RPS6KC1: variants seen among roughly 807,000 people sequenced by gnomAD.
The protein encoded by RPS6KC1 is ribosomal protein S6 kinase C1.
A neutral mutation model predicts 103.8 loss-of-function variants in RPS6KC1; 54 were observed. The ratio of observed to expected loss-of-function variants is 0.52; its 90% CI spans 0.42 to 0.65. The LOEUF (loss-of-function observed/expected upper bound fraction) is 0.65. RPS6KC1 is among the 30% of genes least tolerant of loss of function. The probability of loss-of-function intolerance (pLI) is 0.00; values close to 1 mark genes in which losing one functional copy is unlikely to be tolerated. For missense variants in RPS6KC1, 1,151 were observed against 1,253.8 expected, an observed-to-expected ratio of 0.92 and a Z score of 1.24; for synonymous variants, 439 against 438.7, an observed-to-expected ratio of 1.00 and a Z score of -0.01.
At chr1:213,170,546 G>T (rs998806453) in intron 7 of RPS6KC1, among the ~76,000 whole-genome samples, 1 of 152,186 alleles carries the variant, frequency 6.6e-6, no homozygotes, top group African/African-American at 2.4e-5. Context: ...AAGTTACACT[G>T]GTAAGAGCCA....
chr1:213,559,166 A>G, the RPS6KC1 span, among the ~76,000 whole-genome samples: 1 of 152,174 alleles, frequency 6.6e-6, no homozygotes, highest in African/African-American at 2.4e-5. Context: ...TCACTTTGCC[A>G]TTGAGGAAAC....
At chr1:213,635,718 A>T in the RPS6KC1 span, among the ~76,000 whole-genome samples, 1 of 152,220 alleles carries the variant, frequency 6.6e-6, no homozygotes, top group African/African-American at 2.4e-5. Context: ...CAAGACAGGG[A>T]TGCCCTCTCT....
the RPS6KC1 span, among the ~76,000 whole-genome samples, chr1:213,419,607 G>A: frequency 5.8e-4 from 88 of 152,296 alleles, no homozygotes; most frequent in East Asian, 0.014. Flanking sequence ...TACTGCCCCC[G>A]TCTGTCTCAG....
At chr1:213,394,921 C>T in the RPS6KC1 span, among the ~76,000 whole-genome samples, 3 of 152,228 alleles carry the variant, frequency 2.0e-5, no homozygotes, top group African/African-American at 7.2e-5. Flanking sequence ...TGCTGAGGCT[C>T]AGGGCACCAT....
At chr1:213,680,408 A>G in the RPS6KC1 span, among the ~76,000 whole-genome samples, 1 of 152,130 alleles carries the variant, frequency 6.6e-6, no homozygotes, top group South Asian at 2.1e-4. Flanking sequence ...GGAACCTGAA[A>G]ACCTGCCAAA....
intron 6 of RPS6KC1, among the ~76,000 whole-genome samples, chr1:213,166,538 A>T (rs2090979149): frequency 6.6e-6 from 1 of 152,234 alleles, no homozygotes; most frequent in African/African-American, 2.4e-5. Context: ...AAGTACACTG[A>T]CATTTTAATT....
chr1:213,720,191 G>T, the RPS6KC1 span, among the ~76,000 whole-genome samples: 1 of 152,224 alleles, frequency 6.6e-6, no homozygotes, highest in African/African-American at 2.4e-5. Context: ...ATATTGAACA[G>T]TGTATGTGGT....
chr1:213,257,933 A>G (rs2149075172), intron 12 of RPS6KC1, among the ~76,000 whole-genome samples: 1 of 150,290 alleles, frequency 6.7e-6, no homozygotes, highest in South Asian at 2.1e-4. Context: ...CCTCCCAAGT[A>G]GTTAGGACTA....
the RPS6KC1 span, among the ~76,000 whole-genome samples, chr1:213,305,314 G>A: frequency 5.3e-5 from 8 of 151,836 alleles, no homozygotes; most frequent in Non-Finnish European, 8.8e-5. Context: ...AACTCCTGAC[G>A]TCAGGTGATC....
At chr1:213,547,676 T>C in the RPS6KC1 span, among the ~76,000 whole-genome samples, 7 of 152,300 alleles carry the variant, frequency 4.6e-5, no homozygotes, top group African/African-American at 1.7e-4. Flanking sequence ...TCTTACTCTG[T>C]TAGTTCCCTC....
chr1:213,655,870 C>T, the RPS6KC1 span, among the ~76,000 whole-genome samples: 1 of 152,032 alleles, frequency 6.6e-6, no homozygotes, highest in Admixed American at 6.6e-5. Flanking sequence ...GAGGATGACC[C>T]CCTGTGTATT....
the RPS6KC1 span, among the ~76,000 whole-genome samples, chr1:213,486,682 C>A: frequency 1.3e-5 from 2 of 152,174 alleles, no homozygotes; most frequent in African/African-American, 4.8e-5. Flanking sequence ...GAGGCCATGT[C>A]AGGATGGAGC....
the RPS6KC1 span, among the ~76,000 whole-genome samples, chr1:213,547,807 T>C: frequency 6.6e-6 from 1 of 152,208 alleles, no homozygotes; most frequent in Non-Finnish European, 1.5e-5. Context: ...TCTAAGACTC[T>C]CACCAGAAGC....
chr1:213,566,255 G>A, the RPS6KC1 span, among the ~76,000 whole-genome samples: 3 of 151,912 alleles, frequency 2.0e-5, no homozygotes, highest in South Asian at 4.1e-4. Context: ...ATGGACTGTT[G>A]TCAGTCTAAT....
chr1:213,593,581 C>T, the RPS6KC1 span, among the ~76,000 whole-genome samples: 3 of 152,112 alleles, frequency 2.0e-5, no homozygotes, highest in East Asian at 5.8e-4. Flanking sequence ...AAACAGTGAA[C>T]TGTCAGGAAG....
the RPS6KC1 span, among the ~76,000 whole-genome samples, chr1:213,421,634 C>T: frequency 7.2e-5 from 11 of 152,242 alleles, no homozygotes; most frequent in Admixed American, 6.5e-4. Context: ...GCCTCTCTTA[C>T]CCCTGCTTCC....
At chr1:213,257,005 A>G (rs2094661187) in intron 12 of RPS6KC1, among the ~76,000 whole-genome samples, 1 of 152,178 alleles carries the variant, frequency 6.6e-6, no homozygotes, top group Admixed American at 6.5e-5. Flanking sequence ...AATCCATGCA[A>G]ATTTTACATT....
chr1:213,189,398 G>T (rs557592637), intron 8 of RPS6KC1, among the ~76,000 whole-genome samples: 1 of 148,054 alleles, frequency 6.8e-6, no homozygotes, highest in Non-Finnish European at 1.5e-5. Context: ...GCAGTGAGCC[G>T]AGATCATGCC....
chr1:213,636,003 G>C, the RPS6KC1 span, among the ~76,000 whole-genome samples: 2 of 152,150 alleles, frequency 1.3e-5, no homozygotes, highest in South Asian at 4.1e-4. Flanking sequence ...AATCATGAGT[G>C]AACTTCCATT....
Sources: gnomAD v4.1 joint callset for allele counts (sites outside exome capture counted in the v4.1 genomes callset) on GRCh38, gnomAD v4.1.1 for gene constraint, MANE v1.5 for transcripts, NCBI Gene and HGNC (gene_info 2026-07-23, HGNC 2026-07-21) for gene names.